Variants in BLTP3B observed in about 807,000 individuals in gnomAD.
BLTP3B encodes the protein bridge-like lipid transfer protein family member 3B, also known as UHRF1 (ICBP90) binding protein 1-like.
chr12:100,118,832 G>A, the BLTP3B span, among the ~76,000 whole-genome samples: 2 of 152,186 alleles, frequency 1.3e-5, no homozygotes, highest in African/African-American at 2.4e-5. Context: ...GCTGGGTGTT[G>A]CGGTTCATGC....
chr12:100,051,331 A>G, the BLTP3B span: 1 of 921,414 alleles, frequency 1.1e-6, no homozygotes, highest in Non-Finnish European at 1.5e-6. Flanking sequence ...TTTCTCAAGC[A>G]CTGCCTCCTT....
At chr12:100,083,685 G>C in the BLTP3B span, among the ~76,000 whole-genome samples, 2 of 145,986 alleles carry the variant, frequency 1.4e-5, no homozygotes, top group South Asian at 4.3e-4. Context: ...TGCTTACTGG[G>C]CCAGCAAAAA....
At chr12:100,060,998 A>T in the BLTP3B span, among the ~76,000 whole-genome samples, 1 of 152,274 alleles carries the variant, frequency 6.6e-6, no homozygotes, top group Non-Finnish European at 1.5e-5. Flanking sequence ...TGTCAACTAC[A>T]TTGTCTTACC....
At chr12:100,056,226 C>T in the BLTP3B span, among the ~76,000 whole-genome samples, 1 of 152,148 alleles carries the variant, frequency 6.6e-6, no homozygotes, top group Admixed American at 6.5e-5. Flanking sequence ...AAAAAAGAGG[C>T]TTCAGGTAGC....
the BLTP3B span, among the ~76,000 whole-genome samples, chr12:100,090,737 T>C: frequency 6.6e-6 from 1 of 152,134 alleles, no homozygotes; most frequent in Non-Finnish European, 1.5e-5. Flanking sequence ...AGAAAACTTT[T>C]TATTAATTAA....
the BLTP3B span, among the ~76,000 whole-genome samples, chr12:100,073,479 C>T: frequency 6.6e-6 from 1 of 150,772 alleles, no homozygotes; most frequent in Admixed American, 6.6e-5. Context: ...GGATTACAGG[C>T]GTGAGCCACT....
At chr12:100,132,288 A>C in the BLTP3B span, among the ~76,000 whole-genome samples, 2 of 152,214 alleles carry the variant, frequency 1.3e-5, no homozygotes, top group African/African-American at 4.8e-5. Flanking sequence ...CTAGAGTCTC[A>C]ATATGGTTTA....
At chr12:100,086,373 G>GGC in the BLTP3B span, 1 of 218,804 alleles carries the variant, frequency 4.6e-6, no homozygotes, top group African/African-American at 6.9e-5. Context: ...GAAAAAAAAA[G>GGC]GGGGGGGGGG....
At chr12:100,071,064 T>G in the BLTP3B span, among the ~76,000 whole-genome samples, 1 of 151,970 alleles carries the variant, frequency 6.6e-6, no homozygotes, top group African/African-American at 2.4e-5. Flanking sequence ...TATTTTGGAG[T>G]TCTACTTTTA....
At chr12:100,098,238 A>G in the BLTP3B span, 1 of 1,168,504 alleles carries the variant, frequency 8.6e-7, no homozygotes, top group East Asian at 2.5e-5. Context: ...CCCCAAAAAA[A>G]GTAATACAGA....
At chr12:100,098,258 A>C in the BLTP3B span, 1 of 1,354,414 alleles carries the variant, frequency 7.4e-7, no homozygotes, top group Admixed American at 2.5e-5. Context: ...AGAAAAGCAA[A>C]GTTAAAAGGC....
the BLTP3B span, chr12:100,048,044 T>G: frequency 6.2e-7 from 1 of 1,612,256 alleles, no homozygotes; most frequent in Non-Finnish European, 8.5e-7. Context: ...AGAGAAGATG[T>G]AAGAAACTCA....
the BLTP3B span, among the ~76,000 whole-genome samples, chr12:100,114,176 G>A: frequency 6.6e-6 from 1 of 152,020 alleles, no homozygotes; most frequent in African/African-American, 2.4e-5. Flanking sequence ...TTCTTCTCTG[G>A]GAAAAACTGT....
chr12:100,140,816 T>C, the BLTP3B span, among the ~76,000 whole-genome samples: 1 of 148,662 alleles, frequency 6.7e-6, no homozygotes, highest in Non-Finnish European at 1.5e-5. Flanking sequence ...TTCTATCTCA[T>C]GCAGTAAGCC....
the BLTP3B span, among the ~76,000 whole-genome samples, chr12:100,113,423 A>G: frequency 1.3e-5 from 2 of 152,074 alleles, no homozygotes; most frequent in African/African-American, 4.8e-5. Context: ...AGATTGCCCC[A>G]CTGCACTCCA....
the BLTP3B span, among the ~76,000 whole-genome samples, chr12:100,098,196 C>A: frequency 5.9e-5 from 9 of 152,096 alleles, no homozygotes; most frequent in South Asian, 1.0e-3. Context: ...CCAGCCTGAG[C>A]AACAGAGTGA....
At chr12:100,078,061 A>G in the BLTP3B span, among the ~76,000 whole-genome samples, 3 of 152,110 alleles carry the variant, frequency 2.0e-5, no homozygotes, top group Non-Finnish European at 4.4e-5. Context: ...GGCCCCTGAT[A>G]TAGTTTGGAT....
chr12:100,087,497 T>C, the BLTP3B span, among the ~76,000 whole-genome samples: 1 of 152,184 alleles, frequency 6.6e-6, no homozygotes, highest in Non-Finnish European at 1.5e-5. Context: ...GACAGTAATA[T>C]GATACGGTAT....
At chr12:100,068,703 TCTC>T in the BLTP3B span, among the ~76,000 whole-genome samples, 1 of 152,130 alleles carries the variant, frequency 6.6e-6, no homozygotes, top group African/African-American at 2.4e-5. Flanking sequence ...AGTAGACAGT[TCTC>T]AAAAGAACAT....
Sources: allele counts gnomAD v4.1 joint callset (sites outside exome capture counted in the v4.1 genomes callset), GRCh38; gene constraint gnomAD v4.1.1; transcripts MANE v1.5; gene names NCBI Gene and HGNC (gene_info 2026-07-23, HGNC 2026-07-21).